The following COL4A1 variants were observed in gnomAD, a reference collection of about 807,000 sequenced individuals.
The protein encoded by COL4A1 is collagen alpha-1(IV) chain.
In COL4A1, 40 loss-of-function variants were observed where a neutral mutation model predicts 216.6. The ratio of observed to expected loss-of-function variants is 0.18; its 90% CI spans 0.14 to 0.24. The LOEUF (loss-of-function observed/expected upper bound fraction) is 0.24, where lower values mean the gene tolerates loss of function less well. COL4A1 is among the 10% of genes least tolerant of loss of function. The pLI is 1.00. For missense variants in COL4A1, 1,628 were observed against 2,196.8 expected, an observed-to-expected ratio of 0.74 and a Z score of 5.18; for synonymous variants, 839 against 810.7, an observed-to-expected ratio of 1.03 and a Z score of -0.59.
chr13:110,151,378 T>C (rs2138416462), intron 51 of COL4A1, among the ~76,000 whole-genome samples: 1 of 152,120 alleles, frequency 6.6e-6, no homozygotes. Flanking sequence ...ATGAACAAAG[T>C]GCGCTCATTT....
In COL4A1 at chr13:110,295,262, T is replaced by C. The variant is rs746866321; in HGVS notation, c.84+11682A>G. Among the ~76,000 whole-genome samples, 114 of 104,992 alleles carry C rather than the reference T, an allele frequency of 1.1e-3. 1 individual carries two copies. Among genetic ancestry groups the C allele is most frequent in the Non-Finnish European group, 1.1e-3 (52 of 48,130 alleles). The allele number at this position is 104,992 out of a possible 152,430, so 68.9% of individuals were successfully genotyped here. ...ACTACATGGTTTTCTTTCTTTCTTT[T>C]TTTTTTTTTTTTTTGAGACGGAGTT... On this transcript the variant is annotated intron_variant, in intron 1 of 51. Transcript: ENST00000375820.
chr13:110,273,947 C>A (rs1054694772), intron 1 of COL4A1, among the ~76,000 whole-genome samples: 4 of 152,158 alleles, frequency 2.6e-5, no homozygotes, highest in Admixed American at 2.0e-4. Flanking sequence ...CACTACATTT[C>A]AAAAATCCTG....
In COL4A1 at chr13:110,179,131, A is replaced by T; in HGVS notation, c.2345-95T>A. The stretch of plus-strand genomic sequence containing the variant: ...CACACGAATGGCCCCAGCAACGGAA[A>T]GCCACGAGCTCTAGGCCTCTAAGAT... On this transcript the variant is annotated intron_variant, in intron 30 of 51. Transcript: ENST00000375820. The T allele has an allele frequency of 3.3e-6, 5 of 1,536,042 alleles. No individual in the cohort carries two copies. In the East Asian group the frequency reaches 6.7e-5, roughly 21 times the overall value.
At chr13:110,177,955 G>A (rs762209818) in intron 32 of COL4A1, 24 bp from the exon 33 acceptor site, 1 of 1,614,044 alleles carries the variant, frequency 6.2e-7, no homozygotes. Flanking sequence ...AAAGGACTGT[G>A]AACATTTTCT....
chr13:110,266,797 A>G (rs622253), intron 1 of COL4A1, among the ~76,000 whole-genome samples: 1 of 152,060 alleles, frequency 6.6e-6, no homozygotes, highest in South Asian at 2.1e-4. Context: ...ACAGCAAAAA[A>G]CAAGAGTAAT....
rs562707527 is a variant in COL4A1, at chr13:110,157,412, G to A, written c.4641-2015C>T. 6.6e-5 allele frequency among the ~76,000 whole-genome samples: 10 copies of A among 152,252 alleles called. No individual in the cohort carries two copies. The East Asian group carries it at 1.7e-3, about 26-fold the overall frequency. On this transcript the variant is annotated intron_variant, in intron 49 of 51. Transcript: ENST00000375820. ...TTGCTGTTTCTAAAATTTAGCTTTC[G>A]GACCTCCCTAAAGGGAAGAGCTGAG...
intron 1 of COL4A1, among the ~76,000 whole-genome samples, chr13:110,283,255 G>A (rs1262241866): frequency 6.6e-6 from 1 of 152,250 alleles, no homozygotes. Context: ...CAGGAAAAGA[G>A]AGGTTCAAGA....
intron 1 of COL4A1, among the ~76,000 whole-genome samples, chr13:110,270,028 AC>A (rs1883189171): frequency 6.6e-6 from 1 of 151,904 alleles, no homozygotes; most frequent in Admixed American, 6.5e-5. Context: ...TTCTCCACGC[AC>A]CCCCAGCCTT....
In COL4A1 at chr13:110,152,319, A is replaced by G. The variant is rs1293612356; in HGVS notation, c.4928+15T>C. ...AGGGGCCAGCAGCCTGCAAAAAAGC[A>G]GTGCTCCCACTTACTTGAACATCTC... is the stretch of plus-strand genomic sequence containing the variant. On this transcript the variant is annotated intron_variant, in intron 51 of 51. Transcript: ENST00000375820. 6.2e-7 allele frequency: 1 copy of G among 1,614,076 alleles called. No individual in the cohort carries two copies. The highest frequency in any genetic ancestry group is 8.5e-7 in the Non-Finnish European group (1 of 1,180,014).
chr13:110,191,972 C>T (rs931039367), intron 24 of COL4A1, among the ~76,000 whole-genome samples: 11 of 152,134 alleles, frequency 7.2e-5, no homozygotes, highest in Non-Finnish European at 1.0e-4. Context: ...CGGCAGCAGC[C>T]GAAAAAATGT....
intron 43 of COL4A1, among the ~76,000 whole-genome samples, chr13:110,167,933 A>T (rs1178308954): frequency 6.6e-6 from 1 of 151,670 alleles, no homozygotes; most frequent in Non-Finnish European, 1.5e-5. Context: ...GTATATAAAC[A>T]TATATACAAA....
intron 2 of COL4A1, among the ~76,000 whole-genome samples, chr13:110,225,468 A>T (rs1880694915): frequency 6.6e-6 from 1 of 152,224 alleles, no homozygotes. Context: ...CTGTAATCTC[A>T]GCTACTTGGG....
intron 41 of COL4A1, 36 bp downstream of exon 41, chr13:110,172,684 T>C: frequency 6.2e-7 from 1 of 1,602,562 alleles, no homozygotes; most frequent in Non-Finnish European, 8.6e-7. Context: ...CAGCAGCGGT[T>C]GGTTGAAAAG....
chr13:110,262,310 C>T (rs977172172), intron 1 of COL4A1, among the ~76,000 whole-genome samples: 1 of 152,178 alleles, frequency 6.6e-6, no homozygotes, highest in African/African-American at 2.4e-5. Flanking sequence ...CAGGACCCAG[C>T]GCCCTCACCC....
intron 42 of COL4A1, 125 bp from the exon 43 acceptor site, chr13:110,169,887 C>A: frequency 3.8e-6 from 5 of 1,313,742 alleles, no homozygotes; most frequent in Non-Finnish European, 4.2e-6. Flanking sequence ...ACAGTGACAA[C>A]CCTTGAGACA....
intron 1 of COL4A1, among the ~76,000 whole-genome samples, chr13:110,246,823 A>G (rs1881835360): frequency 2.6e-5 from 4 of 152,162 alleles, no homozygotes; most frequent in Admixed American, 2.6e-4. Flanking sequence ...TCTAGGGTCA[A>G]TGAGTTCCAA....
chr13:110,259,705 A>G (rs1566424640), intron 1 of COL4A1, among the ~76,000 whole-genome samples: 2 of 152,274 alleles, frequency 1.3e-5, no homozygotes, highest in Admixed American at 1.3e-4. Flanking sequence ...ATGGTAAAAT[A>G]TTCTAATTTA....
intron 49 of COL4A1, among the ~76,000 whole-genome samples, chr13:110,160,669 C>T (rs896348553): frequency 7.9e-5 from 12 of 152,316 alleles, no homozygotes; most frequent in African/African-American, 2.9e-4. Context: ...CTGGCATTAT[C>T]TCACCATGGT....
At chr13:110,161,444 G>T in intron 48 of COL4A1, 75 bp from the exon 49 acceptor site, 1 of 1,493,352 alleles carries the variant, frequency 6.7e-7, no homozygotes. Context: ...GTGGATTTCA[G>T]CTGGACAACA....
Sources: gnomAD v4.1 joint callset for allele counts (sites outside exome capture counted in the v4.1 genomes callset) on GRCh38, gnomAD v4.1.1 for gene constraint, MANE v1.5 for transcripts, NCBI Gene and HGNC (gene_info 2026-07-23, HGNC 2026-07-21) for gene names.